The following GLB1L3 variants were observed in gnomAD, a reference collection of about 807,000 sequenced individuals.
GLB1L3 encodes the protein beta-galactosidase-1-like protein 3.
A neutral mutation model predicts 89.5 loss-of-function variants in GLB1L3; 89 were observed. The ratio of observed to expected loss-of-function variants is 0.99; its 90% confidence interval spans 0.84 to 1.19. The LOEUF (loss-of-function observed/expected upper bound fraction) is 1.19, where lower values mean the gene tolerates loss of function less well. Ranked by LOEUF, GLB1L3 falls within the 50% of genes most tolerant of loss-of-function variation. GLB1L3 has a pLI of 0.00. For missense variants in GLB1L3, 812 were observed against 813.3 expected (o/e 1.00, Z 0.02); for synonymous variants, 314 against 312.3 (o/e 1.01, Z -0.06).
At chr11:134,316,206 CTTT>C (rs1206889352) in intron 18 of GLB1L3, among the ~76,000 whole-genome samples, 1 of 144,960 alleles carries the variant, frequency 6.9e-6, no homozygotes. Context: ...ACTCCCATAC[CTTT>C]TTTTTTTTTA....
intron 9 of GLB1L3, among the ~76,000 whole-genome samples, chr11:134,296,110 A>C (rs1941623804): frequency 6.6e-6 from 1 of 152,186 alleles, no homozygotes; most frequent in African/African-American, 2.4e-5. Context: ...ATCACTGGCC[A>C]TCAGAGAAAT....
intron 18 of GLB1L3, chr11:134,316,771 C>T (rs549746793): frequency 2.0e-5 from 3 of 152,306 alleles, no homozygotes; most frequent in South Asian, 4.1e-4. Context: ...TGCTCTTTCA[C>T]CTCTAAGTTT....
chr11:134,312,376 A>G lies in GLB1L3; in HGVS notation c.1315A>G (p.Met439Val), dbSNP rs377108484. Residue 439 changes from methionine (M) to valine (V), a missense_variant, in exon 14 of 20, where the codon ATG becomes GTG. Physicochemically the swap from Met to Val is conservative, Grantham distance 21. Around this residue, in one of 3 missense-constraint regions of GLB1L3, gnomAD observed 618 missense variants for 604.0 expected, o/e 1.02. Transcript: ENST00000431683. ...AGTCAGGTCGCGTCAGCCCGTCAACATGGAGAACCTTCCCATAAACAATGG... is the reference window on the plus strand; with the variant it reads ...AGTCAGGTCGCGTCAGCCCGTCAACGTGGAGAACCTTCCCATAAACAATGG... ...EPVRSRQPVN[M>V]ENLPINNGSG... 1.2e-6 allele frequency: 2 copies of G among 1,613,648 alleles called. No individual in the cohort carries two copies. Among genetic ancestry groups the G allele is most frequent in the East Asian group, 2.2e-5 (1 of 44,884 alleles).
At chr11:134,322,205 T>A (rs566714169), downstream of GLB1L3, among the ~76,000 whole-genome samples, 1 of 152,318 alleles carries the variant, frequency 6.6e-6, no homozygotes, top group South Asian at 2.1e-4. Flanking sequence ...ACAGAAGGTG[T>A]TACTAGGTAT....
In GLB1L3 at chr11:134,283,721, C is replaced by T. The variant is rs374231483; in HGVS notation, c.528-16C>T. 1.2e-5 allele frequency: 18 copies of T among 1,530,492 alleles called. No individual in the cohort carries two copies. Among genetic ancestry groups the T allele is most frequent in the Non-Finnish European group, 1.5e-5 (17 of 1,108,168 alleles). The allele number at this position is 1,530,492 out of a possible 1,614,324, so 94.8% of individuals were successfully genotyped here. A position where few individuals can be genotyped will look rare whatever the true frequency, so the allele number is the denominator to read the frequency against. ...CAACCCGTCTCAGACCCTGAGCCCG[C>T]CCCTCTTGCCCCCAGCTGGCTCCTG... is the stretch of plus-strand genomic sequence containing the variant. On this transcript the variant is annotated splice_polypyrimidine_tract_variant and intron_variant, in intron 5 of 19. Coordinates refer to ENST00000431683, the MANE Select transcript of GLB1L3 (RefSeq NM_001080407.3).
intron 10 of GLB1L3, among the ~76,000 whole-genome samples, chr11:134,308,670 C>CCAT (rs1942563308): frequency 6.7e-5 from 10 of 149,728 alleles, no homozygotes; most frequent in South Asian, 4.3e-4. Context: ...ACCACCACCA[C>CCAT]CACCAACACC....
intron 18 of GLB1L3, among the ~76,000 whole-genome samples, chr11:134,317,817 A>G (rs745573068): frequency 3.9e-5 from 6 of 152,112 alleles, no homozygotes; most frequent in Non-Finnish European, 8.8e-5. Context: ...AATTTCGCTG[A>G]TATGTTTTGA....
chr11:134,292,115 G>A lies in GLB1L3; in HGVS notation c.730-17G>A, dbSNP rs1941393542. The A allele has an allele frequency of 6.2e-7, 1 of 1,605,858 alleles. No individual in the cohort carries two copies. Among genetic ancestry groups the A allele is most frequent in the Non-Finnish European group, 8.5e-7 (1 of 1,173,228 alleles). ...GAATGAGGGAATTGGGTTCATTTTGGTTAATTTTCTCAACAGGCCCTGCTG... is the reference window on the plus strand; with the variant it reads ...GAATGAGGGAATTGGGTTCATTTTGATTAATTTTCTCAACAGGCCCTGCTG... On this transcript the variant is annotated splice_polypyrimidine_tract_variant and intron_variant, in intron 7 of 19. Coordinates refer to ENST00000431683, the MANE Select transcript of GLB1L3 (RefSeq NM_001080407.3).
At chr11:134,309,587 T>C in intron 10 of GLB1L3, 39 bp from the exon 11 acceptor site, 1 of 1,509,816 alleles carries the variant, frequency 6.6e-7, no homozygotes, top group Non-Finnish European at 8.9e-7. Context: ...CTCCTCTTAA[T>C]TTCTAACATT....
chr11:134,316,310 A>G (rs1428215774), intron 18 of GLB1L3, among the ~76,000 whole-genome samples: 1 of 152,094 alleles, frequency 6.6e-6, no homozygotes, highest in Non-Finnish European at 1.5e-5. Context: ...ACATAATTAT[A>G]AGCCATATTT....
chr11:134,310,081 C>T (rs1167405729), intron 11 of GLB1L3: 18 of 422,768 alleles, frequency 4.3e-5, no homozygotes, highest in South Asian at 6.3e-5. Context: ...CACGGCCGGG[C>T]GATACAGACT....
intron 7 of GLB1L3, among the ~76,000 whole-genome samples, chr11:134,290,223 A>G (rs528571207): frequency 1.4e-5 from 2 of 148,074 alleles, no homozygotes; most frequent in Non-Finnish European, 3.1e-5. Flanking sequence ...AATCGGTTGT[A>G]TTCAGCCAGC....
At position 134,319,326 on chromosome 11, in the gene GLB1L3, A is replaced by G. The variant is rs532367499; in HGVS notation, c.*384A>G. 7.3e-4 allele frequency: 131 copies of G among 179,456 alleles called. No individual in the cohort carries two copies. The highest frequency in any genetic ancestry group is 1.3e-3 in the Non-Finnish European group (111 of 85,032). The allele number at this position is 179,456 out of a possible 1,614,324, so 11.1% of individuals were successfully genotyped here. On this transcript the variant is annotated 3_prime_UTR_variant, in exon 20 of 20. Coordinates refer to ENST00000431683, the MANE Select transcript of GLB1L3 (RefSeq NM_001080407.3). ...GAGGAATAAGATTTATGTTAAGACT[A>G]TCAAACACAGTGTTGCCTACAATAG... is the stretch of plus-strand genomic sequence containing the variant.
Position 134,310,554 on chromosome 11 carries a change from G to A in GLB1L3, c.1100-17G>A, listed in dbSNP as rs771687896. 1.9e-6 allele frequency: 3 copies of A among 1,603,428 alleles called. No homozygotes were observed. The highest frequency in any genetic ancestry group is 4.5e-5 in the East Asian group (2 of 44,764). ...GCAGAGACTGCATGGCTGGTGACTGGCCCTGGTGTCTTGCAGACTATGATG... is the reference window on the plus strand; with the variant it reads ...GCAGAGACTGCATGGCTGGTGACTGACCCTGGTGTCTTGCAGACTATGATG... On this transcript the variant is annotated splice_polypyrimidine_tract_variant and intron_variant, in intron 11 of 19. Coordinates refer to ENST00000431683, the MANE Select transcript of GLB1L3 (RefSeq NM_001080407.3).
At chr11:134,305,655 A>G (rs1017454656) in intron 9 of GLB1L3, among the ~76,000 whole-genome samples, 1 of 152,200 alleles carries the variant, frequency 6.6e-6, no homozygotes, top group Non-Finnish European at 1.5e-5. Context: ...CAAAGAGAAA[A>G]TAATTAAATT....
At chr11:134,288,509 G>A (rs549378787) in intron 6 of GLB1L3, among the ~76,000 whole-genome samples, 1 of 152,220 alleles carries the variant, frequency 6.6e-6, no homozygotes, top group Non-Finnish European at 1.5e-5. Flanking sequence ...GATTGGCGTG[G>A]AAGCAGGTGC....
chr11:134,318,211 T>G (rs766514097), intron 18 of GLB1L3, among the ~76,000 whole-genome samples: 8 of 152,180 alleles, frequency 5.3e-5, no homozygotes, highest in Admixed American at 2.0e-4. Context: ...TGCCTAGATG[T>G]CTCCTTGTCT....
chr11:134,281,285 T>G, intron 3 of GLB1L3, 92 bp from the exon 4 acceptor site: 1 of 1,384,910 alleles, frequency 7.2e-7, no homozygotes, highest in Non-Finnish European at 1.0e-6. Context: ...AATAGAGCTA[T>G]GCATGGTTTT....
chr11:134,314,340 G>A lies in GLB1L3; in HGVS notation c.1678G>A (p.Ala560Thr). The change falls in exon 18 of 20, where the codon GCC becomes ACC. Residue 560 changes from alanine to threonine, a missense_variant. Around this residue, in one of 3 missense-constraint regions of GLB1L3, gnomAD observed 618 missense variants for 604.0 expected, o/e 1.02. Coordinates refer to ENST00000431683, the MANE Select transcript of GLB1L3 (RefSeq NM_001080407.3). ...TGGCCTTTCTTCCAGGCTCCGCTCTGCCACCTGGAAGCCTGTCCCAGACAG... is the reference window on the plus strand; with the variant it reads ...TGGCCTTTCTTCCAGGCTCCGCTCTACCACCTGGAAGCCTGTCCCAGACAG... ...KMSFFERLRS[A>T]TWKPVPDSHQ... is the part of the protein sequence containing the mutation. 3 of 1,548,126 alleles carry A rather than the reference G, an allele frequency of 1.9e-6. No homozygotes were observed. Among genetic ancestry groups the A allele is most frequent in the Non-Finnish European group, 2.6e-6 (3 of 1,145,766 alleles).
Sources: allele counts gnomAD v4.1 joint callset (sites outside exome capture counted in the v4.1 genomes callset), GRCh38; gene constraint gnomAD v4.1.1; regional missense constraint gnomAD v4.1.1; transcripts MANE v1.5; gene names NCBI Gene and HGNC (gene_info 2026-07-23, HGNC 2026-07-21).